TMEM165: variants seen among roughly 807,000 people sequenced by gnomAD.
TMEM165 encodes the protein transmembrane protein 165, also known as putative divalent cation/proton antiporter TMEM165.
In TMEM165, 19 loss-of-function variants were observed where a neutral mutation model predicts 30.0. The ratio of observed to expected loss-of-function variants is 0.63; its 90% CI spans 0.44 to 0.93. TMEM165 has a LOEUF of 0.93. TMEM165 is among the 40% of genes least tolerant of loss of function. The pLI, the probability that TMEM165 is intolerant of heterozygous loss-of-function variation, is 0.00. For missense variants in TMEM165, 340 were observed against 417.0 expected, an observed-to-expected ratio of 0.82 and a Z score of 1.61; for synonymous variants, 168 against 162.9, an observed-to-expected ratio of 1.03 and a Z score of -0.24.
rs1348370986 is a variant in TMEM165, at chr4:55,425,397, T to G, written c.920T>G (p.Val307Gly). The change falls in exon 6 of 6, where the codon GTT (valine) becomes GGT (glycine). Residue 307 changes from valine to glycine, a missense_variant. Val to Gly is a moderately radical substitution (Grantham distance 109). Coordinates refer to ENST00000381334, the MANE Select transcript of TMEM165 (RefSeq NM_018475.5). Reference sequence around the variant, plus strand: ...CCAGTGACAATCATAGGAGGCATCGTTTTTTTGGCGTTTGCATTTTCTGCA... The same window carrying G: ...CCAGTGACAATCATAGGAGGCATCGGTTTTTTGGCGTTTGCATTTTCTGCA... ...VRTVTIIGGI[V>G]FLAFAFSALF... The G allele has an allele frequency of 1.9e-6, 3 of 1,611,688 alleles. No homozygotes were observed. In the Admixed American group the frequency reaches 5.0e-5, roughly 27 times the overall value.
At chr4:55,403,157 T>C in intron 1 of TMEM165, 6 of 914,598 alleles carry the variant, frequency 6.6e-6, no homozygotes, top group Non-Finnish European at 9.1e-6. Flanking sequence ...AAGCATTTTC[T>C]TCTGACTCCT....
intron 2 of TMEM165, chr4:55,416,861 G>A (rs2109551282): frequency 4.8e-6 from 2 of 414,984 alleles, no homozygotes; most frequent in South Asian, 8.7e-5. Flanking sequence ...ATTGGCTTCT[G>A]AGTAAGCTGT....
intron 1 of TMEM165, among the ~76,000 whole-genome samples, chr4:55,401,937 T>C (rs1406703130): frequency 6.7e-6 from 1 of 149,654 alleles, no homozygotes; most frequent in East Asian, 1.9e-4. Flanking sequence ...GCCAACATGA[T>C]GAAACCCCAT....
In TMEM165 at chr4:55,425,366, TCTC is replaced by T; in HGVS notation, c.899-9_899-7del. Reference sequence around the variant, plus strand: ...TTTACTGTATTTGACTTTTTTTCTCTCTCTTCCAGTGACAATCATAGGAGGCAT... The same window carrying T: ...TTTACTGTATTTGACTTTTTTTCTCTTTCCAGTGACAATCATAGGAGGCAT... On this transcript the variant is annotated splice_region_variant and splice_polypyrimidine_tract_variant and intron_variant, in intron 5 of 5. Transcript: ENST00000381334. 6.2e-7 allele frequency: 1 copy of T among 1,612,100 alleles called. No individual in the cohort carries two copies. The highest frequency in any genetic ancestry group is 8.5e-7 in the Non-Finnish European group (1 of 1,178,770).
In TMEM165 at chr4:55,396,105, G is replaced by C. The variant is rs1228187509; in HGVS notation, c.-85G>C. 1.7e-6 allele frequency: 2 copies of C among 1,178,500 alleles called. No homozygotes were observed. Among genetic ancestry groups the C allele is most frequent in the Non-Finnish European group, 2.2e-6 (2 of 925,126 alleles). 73.0% of individuals were successfully genotyped at this position (1,178,500 alleles called of 1,614,324 possible). A position where few individuals can be genotyped will look rare whatever the true frequency, so the allele number is the denominator to read the frequency against. On this transcript the variant is annotated 5_prime_UTR_variant, in exon 1 of 6. Coordinates refer to ENST00000381334, the MANE Select transcript of TMEM165 (RefSeq NM_018475.5). ...CGGCGGCGGCGAGTCGTGAGGACGCGCCGCGGAGGCTGTTCGGGGTCGAGG... is the reference window on the plus strand; with the variant it reads ...CGGCGGCGGCGAGTCGTGAGGACGCCCCGCGGAGGCTGTTCGGGGTCGAGG...
intron 3 of TMEM165, among the ~76,000 whole-genome samples, chr4:55,446,848 T>G (rs1028441734): frequency 9.9e-5 from 15 of 152,174 alleles, no homozygotes; most frequent in African/African-American, 3.1e-4. Context: ...GTGAACTGTA[T>G]GTAAAAGTGA....
rs753083852 is a variant in TMEM165 at position 55,424,555 on chromosome 4, C to G, written c.810C>G (p.Ala270=). ...GCTTCCAGGACCCCTATGGTGTAGC[C>G]GTGGGTGGAACTGTGGGGCACTGCC... is the stretch of plus-strand genomic sequence containing the variant. ...LAAREDPYGV[A]VGGTVGHCLC... Residue 270 remains alanine, a synonymous_variant, in exon 5 of 6, where the codon GCC becomes GCG. Coordinates refer to ENST00000381334, the MANE Select transcript of TMEM165 (RefSeq NM_018475.5). The G allele has an allele frequency of 5.6e-6, 9 of 1,612,698 alleles. No individual in the cohort carries two copies. Among genetic ancestry groups the G allele is most frequent in the Non-Finnish European group, 7.6e-6 (9 of 1,178,848 alleles).
chr4:55,413,729 CTGT>C (rs900352460), intron 2 of TMEM165, among the ~76,000 whole-genome samples: 8 of 152,300 alleles, frequency 5.3e-5, no homozygotes, highest in African/African-American at 1.9e-4. Flanking sequence ...CTAGATTCAC[CTGT>C]TGTTAACATT....
chr4:55,396,812 C>A (rs944943093), intron 1 of TMEM165, among the ~76,000 whole-genome samples: 3 of 152,208 alleles, frequency 2.0e-5, no homozygotes, highest in African/African-American at 7.2e-5. Context: ...TTATGCCAAA[C>A]TGCTTACCCA....
intron 2 of TMEM165, chr4:55,412,145 A>C (rs1007685249): frequency 1.0e-5 from 4 of 388,408 alleles, no homozygotes; most frequent in African/African-American, 4.2e-5. Flanking sequence ...CTGTAATCCC[A>C]GCACTTTGGG....
chr4:55,400,268 A>AT (rs1430306062), intron 1 of TMEM165, among the ~76,000 whole-genome samples: 62 of 109,322 alleles, frequency 5.7e-4, no homozygotes, highest in African/African-American at 2.0e-3. Flanking sequence ...AATATATAAT[A>AT]TATAATATAA....
At chr4:55,406,881 T>G (rs1721292853) in intron 1 of TMEM165, among the ~76,000 whole-genome samples, 1 of 152,156 alleles carries the variant, frequency 6.6e-6, no homozygotes, top group Non-Finnish European at 1.5e-5. Context: ...AGGCTGGTCT[T>G]GAACTCCTGG....
intron 1 of TMEM165, among the ~76,000 whole-genome samples, chr4:55,396,883 C>T (rs1405743227): frequency 6.6e-6 from 1 of 152,180 alleles, no homozygotes; most frequent in Non-Finnish European, 1.5e-5. Flanking sequence ...ATGACTCTCA[C>T]TTTTTAAAAA....
chr4:55,438,601 G>A (rs1723086306), intron 3 of TMEM165: 1 of 1,609,580 alleles, frequency 6.2e-7, no homozygotes, highest in African/African-American at 1.3e-5. Flanking sequence ...ATAAAACGCA[G>A]TGGAGTAAAT....
At chr4:55,403,540 TTAAC>T in intron 1 of TMEM165, among the ~76,000 whole-genome samples, 1 of 142,074 alleles carries the variant, frequency 7.0e-6, no homozygotes, top group Non-Finnish European at 1.5e-5. Context: ...AATTAAAATT[TTAAC>T]TAGAAAAGAG....
chr4:55,403,051 A>G (rs1721099031), intron 1 of TMEM165, among the ~76,000 whole-genome samples: 1 of 151,976 alleles, frequency 6.6e-6, no homozygotes, highest in Non-Finnish European at 1.5e-5. Context: ...GGGCCTCCCA[A>G]AGTGCTGGGA....
chr4:55,449,299 A>T, intron 3 of TMEM165: 1 of 1,123,688 alleles, frequency 8.9e-7, no homozygotes. Context: ...TGATCTTTAC[A>T]AAGAGGGGTG....
chr4:55,438,286 A>G, intron 3 of TMEM165: 2 of 1,614,146 alleles, frequency 1.2e-6, no homozygotes, highest in Non-Finnish European at 1.7e-6. Flanking sequence ...AATTACCTGT[A>G]AAAATTGTTG....
rs187879253 is a variant in TMEM165 at position 55,401,339 on chromosome 4, T to G, written c.207+4943T>G. On this transcript the variant is annotated intron_variant, in intron 1 of 5. Coordinates refer to ENST00000381334, the MANE Select transcript of TMEM165 (RefSeq NM_018475.5). ...TCTGCAGTTTATGTTTCTAGTGACT[T>G]ACTCAATAGTTTTTTCTTACTCTTT... 2.0e-4 allele frequency among the ~76,000 whole-genome samples: 30 copies of G among 150,930 alleles called. 1 individual carries two copies. Among genetic ancestry groups the G allele is most frequent in the African/African-American group, 7.2e-4 (29 of 40,220 alleles).
Sources: gnomAD v4.1 joint callset for allele counts (sites outside exome capture counted in the v4.1 genomes callset) on GRCh38, gnomAD v4.1.1 for gene constraint, MANE v1.5 for transcripts, NCBI Gene and HGNC (gene_info 2026-07-23, HGNC 2026-07-21) for gene names.